GRIK2: variants seen among roughly 807,000 people sequenced by gnomAD.
GRIK2 encodes the protein glutamate ionotropic receptor kainate type subunit 2.
In GRIK2, 32 loss-of-function variants were observed where a neutral mutation model predicts 100.3. The observed-to-expected ratio is 0.32, with a 90% CI of 0.24 to 0.43. GRIK2 has a LOEUF of 0.43. Among genes scored for constraint, GRIK2 ranks in the 20% least tolerant of loss-of-function variants. The probability of loss-of-function intolerance (pLI) is 1.00; values close to 1 mark genes in which losing one functional copy is unlikely to be tolerated. For missense variants in GRIK2, 843 were observed against 1,114.9 expected, an observed-to-expected ratio of 0.76 and a Z score of 3.47; for synonymous variants, 417 against 389.4, an observed-to-expected ratio of 1.07 and a Z score of -0.83.
intron 15 of GRIK2, among the ~76,000 whole-genome samples, chr6:102,037,500 C>T (rs1770333695): frequency 6.6e-6 from 1 of 151,122 alleles, no homozygotes; most frequent in African/African-American, 2.4e-5. Context: ...ATACTGGATG[C>T]CACTGTTTTT....
chr6:102,034,125 G>A (rs192614415), intron 14 of GRIK2, among the ~76,000 whole-genome samples: 49 of 151,396 alleles, frequency 3.2e-4, no homozygotes, highest in Non-Finnish European at 6.4e-4. Context: ...GTTTCACTGG[G>A]GAGCAAAGGT....
chr6:101,875,005 G>A (rs953402496), intron 11 of GRIK2, among the ~76,000 whole-genome samples: 2 of 152,074 alleles, frequency 1.3e-5, no homozygotes, highest in African/African-American at 4.8e-5. Context: ...GGGCTGAGAT[G>A]ATGGGGTTTT....
chr6:101,690,023 C>T (rs1771979925), intron 7 of GRIK2, among the ~76,000 whole-genome samples: 1 of 152,090 alleles, frequency 6.6e-6, no homozygotes, highest in South Asian at 2.1e-4. Flanking sequence ...TGAACCAGTG[C>T]CAATCAGAGC....
At chr6:101,618,110 T>C (rs1330639118) in intron 2 of GRIK2, among the ~76,000 whole-genome samples, 1 of 151,742 alleles carries the variant, frequency 6.6e-6, no homozygotes, top group Non-Finnish European at 1.5e-5. Context: ...CTTTTTGTTT[T>C]CTTTTAAAAC....
chr6:101,638,850 G>T (rs1781149935), intron 4 of GRIK2, among the ~76,000 whole-genome samples: 1 of 152,110 alleles, frequency 6.6e-6, no homozygotes, highest in Non-Finnish European at 1.5e-5. Context: ...AGCTAGGTGT[G>T]GTGGCACTCA....
At chr6:101,395,724 G>C (rs1161445625) in intron 1 of GRIK2, among the ~76,000 whole-genome samples, 1 of 152,090 alleles carries the variant, frequency 6.6e-6, no homozygotes, top group Non-Finnish European at 1.5e-5. Flanking sequence ...AACATGATAT[G>C]CATTTTCTTC....
chr6:101,922,254 C>T (rs1452303599), intron 12 of GRIK2, among the ~76,000 whole-genome samples: 2 of 151,824 alleles, frequency 1.3e-5, no homozygotes, highest in Non-Finnish European at 2.9e-5. Flanking sequence ...TGGATATCTC[C>T]CCAACCCTAC....
At chr6:101,436,235 A>G (rs1027037901) in intron 2 of GRIK2, among the ~76,000 whole-genome samples, 46 of 152,136 alleles carry the variant, frequency 3.0e-4, no homozygotes, top group Admixed American at 2.6e-3. Context: ...TTTATGAGAT[A>G]AATAGGCAGT....
chr6:101,758,904 T>A lies in GRIK2; in HGVS notation c.952-40744T>A, dbSNP rs541755308. 8.3e-4 allele frequency among the ~76,000 whole-genome samples: 126 copies of A among 152,328 alleles called. 1 individual carries two copies. The highest frequency in any genetic ancestry group is 2.3e-3 in the South Asian group (11 of 4,832). On this transcript the variant is annotated intron_variant, in intron 7 of 16. Transcript: ENST00000369134. ...TTAAAAGCTTTTGTTTAACTTTATT[T>A]GTTTAATTTCAAAAGAGTAAAACTA...
intron 14 of GRIK2, among the ~76,000 whole-genome samples, chr6:102,007,021 A>G (rs1382398569): frequency 6.6e-6 from 1 of 152,154 alleles, no homozygotes; most frequent in African/African-American, 2.4e-5. Flanking sequence ...TATATTTTTA[A>G]GAACCTATTA....
intron 12 of GRIK2, among the ~76,000 whole-genome samples, chr6:101,922,495 G>A (rs964661949): frequency 3.9e-5 from 6 of 152,160 alleles, no homozygotes; most frequent in African/African-American, 1.4e-4. Context: ...GGAAAAATAT[G>A]TTTTAATTAT....
At position 102,050,466 on chromosome 6, in the gene GRIK2, A is replaced by G. The variant is rs200349621; in HGVS notation, c.2312-4864A>G. On this transcript the variant is annotated intron_variant, in intron 15 of 16. Coordinates refer to ENST00000369134, the MANE Select transcript of GRIK2 (RefSeq NM_021956.5). ...CAAGAGATTGAGACCATCCTGGCCAACGTGATGAAACCCCGTCTCCACTAA... is the reference window on the plus strand; with the variant it reads ...CAAGAGATTGAGACCATCCTGGCCAGCGTGATGAAACCCCGTCTCCACTAA... 4.2e-4 allele frequency among the ~76,000 whole-genome samples: 64 copies of G among 152,154 alleles called. 1 individual carries two copies. Among genetic ancestry groups the G allele is most frequent in the East Asian group, 4.1e-3 (21 of 5,152 alleles).
chr6:101,727,430 C>T (rs1245860274), intron 7 of GRIK2, among the ~76,000 whole-genome samples: 1 of 152,002 alleles, frequency 6.6e-6, no homozygotes, highest in East Asian at 1.9e-4. Context: ...GCATAGAAAC[C>T]TCATCAAGAC....
chr6:101,844,748 T>A (rs1783708817), intron 10 of GRIK2, among the ~76,000 whole-genome samples: 1 of 152,156 alleles, frequency 6.6e-6, no homozygotes, highest in Non-Finnish European at 1.5e-5. Context: ...CATGTCTCAT[T>A]TTTTTCTTTT....
chr6:101,494,971 TTATATATATATATATATA>T (rs369006296), intron 2 of GRIK2, among the ~76,000 whole-genome samples: 9 of 107,984 alleles, frequency 8.3e-5, no homozygotes, highest in Middle Eastern at 5.3e-3. Flanking sequence ...ATATATGCAT[TTATATATATATATATATA>T]TATATATATA....
chr6:101,394,945 T>TA lies in GRIK2; in HGVS notation c.-294+1118dup, dbSNP rs906517619. Among the ~76,000 whole-genome samples the TA allele has an allele frequency of 1.4e-3, 207 of 149,992 alleles. 1 individual carries two copies. The highest frequency in any genetic ancestry group is 4.0e-3 in the African/African-American group (165 of 41,018). On this transcript the variant is annotated intron_variant, in intron 1 of 16. Coordinates refer to ENST00000369134, the MANE Select transcript of GRIK2 (RefSeq NM_021956.5). ...ATTGAAAATCACACAGGCTGAAATT[T>TA]AAAAAAAAAAGTTCTGGGATATGTA...
chr6:101,538,647 C>T (rs899008862), intron 2 of GRIK2, among the ~76,000 whole-genome samples: 1 of 150,842 alleles, frequency 6.6e-6, no homozygotes, highest in African/African-American at 2.4e-5. Context: ...CTTGTATTTG[C>T]TCTAAAGGAT....
At chr6:101,931,681 T>C (rs915689803) in intron 14 of GRIK2, among the ~76,000 whole-genome samples, 2 of 152,120 alleles carry the variant, frequency 1.3e-5, no homozygotes, top group South Asian at 4.1e-4. Flanking sequence ...CTATATCCAT[T>C]ACACACCACA....
chr6:101,736,803 C>T (rs1196064301), intron 7 of GRIK2, among the ~76,000 whole-genome samples: 1 of 152,110 alleles, frequency 6.6e-6, no homozygotes, highest in East Asian at 1.9e-4. Flanking sequence ...CTGTAGTCAG[C>T]TTGAATTTAT....
Sources: allele counts gnomAD v4.1 joint callset (sites outside exome capture counted in the v4.1 genomes callset), GRCh38; gene constraint gnomAD v4.1.1; transcripts MANE v1.5; gene names NCBI Gene and HGNC (gene_info 2026-07-23, HGNC 2026-07-21).